The following ENTREP1 variants were observed in gnomAD, a reference collection of about 807,000 sequenced individuals.
ENTREP1 encodes Friedreich ataxia region gene X123.
At chr9:69,385,760 C>A in the ENTREP1 span, 1 of 1,418,142 alleles carries the variant, frequency 7.1e-7, no homozygotes, top group Admixed American at 3.3e-5. Context: ...TTATGTTTCG[C>A]CTCTTTTTTT....
At chr9:69,340,758 C>CAT in the ENTREP1 span, among the ~76,000 whole-genome samples, 2 of 7,246 alleles carry the variant, frequency 2.8e-4, no homozygotes, top group South Asian at 7.9e-3. Flanking sequence ...TGTGTGTGTG[C>CAT]GTGCATGTGT....
At chr9:69,361,206 C>T in the ENTREP1 span, among the ~76,000 whole-genome samples, 9 of 152,152 alleles carry the variant, frequency 5.9e-5, no homozygotes, top group African/African-American at 2.2e-4. Flanking sequence ...CATGTATACA[C>T]ATGTATAATC....
At chr9:69,366,361 G>T in the ENTREP1 span, among the ~76,000 whole-genome samples, 1 of 143,322 alleles carries the variant, frequency 7.0e-6, no homozygotes. Flanking sequence ...TTGCCCATTG[G>T]TACAGTTGGT....
At chr9:69,337,888 G>T in the ENTREP1 span, among the ~76,000 whole-genome samples, 3 of 152,076 alleles carry the variant, frequency 2.0e-5, 1 homozygote, top group Non-Finnish European at 4.4e-5. Context: ...ATGCTTAATA[G>T]TTCATCTGAA....
At chr9:69,331,313 G>C in the ENTREP1 span, among the ~76,000 whole-genome samples, 1 of 152,170 alleles carries the variant, frequency 6.6e-6, no homozygotes, top group Admixed American at 6.5e-5. Context: ...AAGGGAAATA[G>C]GGCAGTAGAA....
At chr9:69,376,776 A>G in the ENTREP1 span, among the ~76,000 whole-genome samples, 2 of 152,354 alleles carry the variant, frequency 1.3e-5, no homozygotes, top group East Asian at 1.9e-4. Context: ...GCCCCACTCA[A>G]GGAGCCAGGA....
At chr9:69,391,931 G>A in the ENTREP1 span, 5 of 927,460 alleles carry the variant, frequency 5.4e-6, no homozygotes, top group Admixed American at 9.2e-5. Context: ...CCACCTGTTG[G>A]CTCCCGTGTC....
chr9:69,332,467 G>A, the ENTREP1 span, among the ~76,000 whole-genome samples: 1 of 152,290 alleles, frequency 6.6e-6, no homozygotes, highest in African/African-American at 2.4e-5. Context: ...TGCCTTGACT[G>A]ACTTGGCTAT....
chr9:69,390,573 G>A, the ENTREP1 span, among the ~76,000 whole-genome samples: 2 of 152,158 alleles, frequency 1.3e-5, no homozygotes, highest in South Asian at 4.2e-4. Context: ...CAAATAAATT[G>A]GCCTAATTTT....
chr9:69,336,413 A>G, the ENTREP1 span: 2 of 534,756 alleles, frequency 3.7e-6, no homozygotes, highest in East Asian at 6.2e-5. Context: ...AAGTCAGATG[A>G]TCATAACCAG....
chr9:69,363,079 T>G, the ENTREP1 span, among the ~76,000 whole-genome samples: 2 of 152,322 alleles, frequency 1.3e-5, no homozygotes, highest in East Asian at 3.9e-4. Context: ...GCTCTTTGGA[T>G]CTTGGATTTT....
chr9:69,382,483 A>G, the ENTREP1 span: 1 of 152,228 alleles, frequency 6.6e-6, no homozygotes, highest in East Asian at 1.9e-4. Flanking sequence ...CACTTCAGGC[A>G]TTAGCTCATC....
At chr9:69,389,752 G>T in the ENTREP1 span, among the ~76,000 whole-genome samples, 1 of 152,202 alleles carries the variant, frequency 6.6e-6, no homozygotes, top group South Asian at 2.1e-4. Context: ...TGGACCTTCT[G>T]CAAAGTCTTG....
chr9:69,361,723 T>C, the ENTREP1 span, among the ~76,000 whole-genome samples: 5 of 152,184 alleles, frequency 3.3e-5, no homozygotes, highest in Non-Finnish European at 5.9e-5. Context: ...TAGACTCTTG[T>C]CAGTATTATT....
the ENTREP1 span, among the ~76,000 whole-genome samples, chr9:69,355,214 T>G: frequency 6.6e-6 from 1 of 152,220 alleles, no homozygotes; most frequent in Admixed American, 6.5e-5. Flanking sequence ...AGACTACCTA[T>G]TAAGCCCTCC....
chr9:69,342,362 A>C, the ENTREP1 span, among the ~76,000 whole-genome samples: 6 of 152,216 alleles, frequency 3.9e-5, no homozygotes, highest in African/African-American at 1.4e-4. Context: ...TGCTTCTTCC[A>C]TTGTAACATT....
the ENTREP1 span, among the ~76,000 whole-genome samples, chr9:69,339,465 C>T: frequency 6.6e-6 from 1 of 152,144 alleles, no homozygotes; most frequent in Non-Finnish European, 1.5e-5. Flanking sequence ...TCTTCTGAGC[C>T]TAGTTTTCTT....
At chr9:69,381,837 T>C in the ENTREP1 span, 1 of 152,198 alleles carries the variant, frequency 6.6e-6, no homozygotes, top group Non-Finnish European at 1.5e-5. Flanking sequence ...TTATCAAAAC[T>C]ACCATAGAAG....
chr9:69,367,587 TTCCTGGGTG>T, the ENTREP1 span, among the ~76,000 whole-genome samples: 1 of 143,384 alleles, frequency 7.0e-6, no homozygotes, highest in African/African-American at 2.6e-5. Context: ...GTTAAATTTA[TTCCTGGGTG>T]TTTTATATAT....
Sources: gnomAD v4.1 joint callset for allele counts (sites outside exome capture counted in the v4.1 genomes callset) on GRCh38, gnomAD v4.1.1 for gene constraint, MANE v1.5 for transcripts, NCBI Gene and HGNC (gene_info 2026-07-23, HGNC 2026-07-21) for gene names.